PGR: variants seen among roughly 807,000 people sequenced by gnomAD.
The protein encoded by PGR is nuclear receptor subfamily 3 group C member 3.
A neutral mutation model predicts 76.1 loss-of-function variants in PGR; 25 were observed. The observed-to-expected ratio is 0.33, with a 90% CI of 0.24 to 0.46. The LOEUF (loss-of-function observed/expected upper bound fraction) is 0.46, where lower values mean the gene tolerates loss of function less well. PGR is among the 20% of genes least tolerant of loss of function. The pLI, the probability that PGR is intolerant of heterozygous loss-of-function variation, is 1.00. For synonymous variants in PGR, 579 were observed against 535.0 expected (o/e 1.08, Z -1.14); for missense variants, 1,172 against 1,225.3 (o/e 0.96, Z 0.65).
intron 1 of PGR, 31 bp from the exon 2 acceptor site, chr11:101,126,189 T>C: frequency 6.2e-7 from 1 of 1,609,144 alleles, no homozygotes. Context: ...ACTCCATTTA[T>C]TTTTAAGTGC....
At position 101,089,591 on chromosome 11, in the gene PGR, C is replaced by T. The variant is rs183245829; in HGVS notation, c.1906+2169G>A. Reference sequence around the variant, plus strand: ...TGTCCATTTTCTTTGCTGCTATATGCGCAGAACTTAGAATAGTATCTGGTA... The same window carrying T: ...TGTCCATTTTCTTTGCTGCTATATGTGCAGAACTTAGAATAGTATCTGGTA... On this transcript the variant is annotated intron_variant, in intron 3 of 7. Coordinates refer to ENST00000325455, the MANE Select transcript of PGR (RefSeq NM_000926.4). 1.8e-3 allele frequency among the ~76,000 whole-genome samples: 272 copies of T among 151,958 alleles called. 3 individuals carry two copies. The highest frequency in any genetic ancestry group is 0.015 in the Admixed American group (222 of 15,258).
rs572578980 is a variant in PGR, at chr11:101,037,273, G to A, written c.*1843C>T. 1 of 212,520 alleles carries A rather than the reference G, an allele frequency of 4.7e-6. No homozygotes were observed. The highest frequency in any genetic ancestry group is 9.5e-6 in the Non-Finnish European group (1 of 104,994). 13.2% of individuals were successfully genotyped at this position (212,520 alleles called of 1,614,324 possible). A position where few individuals can be genotyped will look rare whatever the true frequency, so the allele number is the denominator to read the frequency against. ...TTTGCACCTACCTAGTATACGTTGA[G>A]TGTACAAATATTAAAATGCCTATTT... On this transcript the variant is annotated 3_prime_UTR_variant, in exon 8 of 8. Coordinates refer to ENST00000325455, the MANE Select transcript of PGR (RefSeq NM_000926.4).
At chr11:101,047,301 T>G (rs1453015991) in intron 6 of PGR, among the ~76,000 whole-genome samples, 1 of 152,172 alleles carries the variant, frequency 6.6e-6, no homozygotes, top group African/African-American at 2.4e-5. Flanking sequence ...TAAGCCAGTT[T>G]GGAAGATCTA....
intron 2 of PGR, among the ~76,000 whole-genome samples, chr11:101,123,691 T>C (rs1862749796): frequency 6.6e-6 from 1 of 152,240 alleles, no homozygotes; most frequent in African/African-American, 2.4e-5. Context: ...ATCTTCCATG[T>C]AGACTTCTTC....
chr11:101,073,461 C>A (rs2135427754), intron 3 of PGR, among the ~76,000 whole-genome samples: 1 of 150,774 alleles, frequency 6.6e-6, no homozygotes, highest in South Asian at 2.1e-4. Flanking sequence ...TAGCAGAGGA[C>A]AAGAAATAAC....
rs1055712451 is a variant in PGR, at chr11:101,115,063, CT to C, written c.1789+10943del. On this transcript the variant is annotated intron_variant, in intron 2 of 7. Transcript: ENST00000325455. ...GGGGTGGGAATAAGGGGTCACTGATCTCTTTCAAAACCTCATGAAAAGAATT... is the reference window on the plus strand; with the variant it reads ...GGGGTGGGAATAAGGGGTCACTGATCCTTTCAAAACCTCATGAAAAGAATT... 2.9e-4 allele frequency among the ~76,000 whole-genome samples: 44 copies of C among 152,182 alleles called. 1 individual carries two copies. Among genetic ancestry groups the C allele is most frequent in the Admixed American group, 2.3e-3 (35 of 15,286 alleles).
At chr11:101,063,367 G>C (rs982501873) in intron 3 of PGR, 2 of 152,376 alleles carry the variant, frequency 1.3e-5, no homozygotes, top group South Asian at 4.1e-4. Flanking sequence ...TCTAAATTAA[G>C]GAAAGAGAAA....
chr11:101,067,375 C>T (rs1860757698), intron 3 of PGR, among the ~76,000 whole-genome samples: 1 of 151,880 alleles, frequency 6.6e-6, no homozygotes, highest in Non-Finnish European at 1.5e-5. Flanking sequence ...ATATAGATGA[C>T]AAAATACAAC....
At position 101,030,217 on chromosome 11, in the gene PGR, A is replaced by G. The variant is rs1245976962; in HGVS notation, c.*8899T>C. ...GAAAGATTCCCTGCATCTCTTGCCA[A>G]GTATTAACACTAGTTTTACTAATAA... On this transcript the variant is annotated 3_prime_UTR_variant, in exon 8 of 8. Transcript: ENST00000325455. The G allele has an allele frequency of 9.0e-6, 2 of 222,738 alleles. No individual in the cohort carries two copies. The highest frequency in any genetic ancestry group is 1.8e-5 in the Non-Finnish European group (2 of 111,652). The allele number at this position is 222,738 out of a possible 1,614,324, so 13.8% of individuals were successfully genotyped here. A position where few individuals can be genotyped will look rare whatever the true frequency, so the allele number is the denominator to read the frequency against.
intron 1 of PGR, among the ~76,000 whole-genome samples, 171 bp downstream of exon 1, chr11:101,127,263 G>A (rs1476872427): frequency 6.6e-6 from 1 of 152,180 alleles, no homozygotes; most frequent in East Asian, 1.9e-4. Flanking sequence ...GGAGAGGAGG[G>A]AAGAAGAAGG....
chr11:101,107,908 A>G (rs1862223748), intron 2 of PGR, among the ~76,000 whole-genome samples: 1 of 150,966 alleles, frequency 6.6e-6, no homozygotes, highest in Non-Finnish European at 1.5e-5. Context: ...CTATATGGAT[A>G]ATTAATTAAC....
At chr11:101,108,537 A>C (rs1862247687) in intron 2 of PGR, among the ~76,000 whole-genome samples, 1 of 152,238 alleles carries the variant, frequency 6.6e-6, no homozygotes, top group African/African-American at 2.4e-5. Context: ...AAGAGTTTTA[A>C]GTCTTTTCAA....
chr11:101,057,379 C>T (rs981641704), intron 4 of PGR, among the ~76,000 whole-genome samples: 3 of 152,000 alleles, frequency 2.0e-5, no homozygotes, highest in Non-Finnish European at 2.9e-5. Context: ...ATCTTAGAGT[C>T]GTGTGAAGAG....
Position 101,126,084 on chromosome 11 carries a change from C to T in PGR, c.1712G>A (p.Gly571Glu). 2 of 1,614,028 alleles carry T rather than the reference C, an allele frequency of 1.2e-6. No individual in the cohort carries two copies. The highest frequency in any genetic ancestry group is 1.7e-6 in the Non-Finnish European group (2 of 1,179,932). ...SLPQKICLIC[G>E]DEASGCHYGV... is the part of the protein sequence containing the mutation. ...ATAATGACAGCCTGATGCTTCATCCCCACAGATTAAACAAATCTTCTGAGG... is the reference window on the plus strand; with the variant it reads ...ATAATGACAGCCTGATGCTTCATCCTCACAGATTAAACAAATCTTCTGAGG... The change falls in exon 2 of 8, where the codon GGG (glycine) becomes GAG (glutamate). Residue 571 changes from glycine (G) to glutamate (E), a missense_variant. Around this residue, in one of 4 missense-constraint regions of PGR, gnomAD observed 40 missense variants for 82.7 expected, o/e 0.48. Coordinates refer to ENST00000325455, the MANE Select transcript of PGR (RefSeq NM_000926.4).
At chr11:101,052,790 G>T (rs73571730) in intron 4 of PGR, among the ~76,000 whole-genome samples, 2,256 of 152,214 alleles carry the variant, frequency 0.015, 62 homozygotes, top group African/African-American at 0.052. Flanking sequence ...AAAAATAAAA[G>T]ACATTTGTCA....
intron 2 of PGR, among the ~76,000 whole-genome samples, chr11:101,104,052 C>T (rs2135475527): frequency 6.6e-6 from 1 of 152,248 alleles, no homozygotes; most frequent in South Asian, 2.1e-4. Context: ...AAATGCTTAA[C>T]AGTAATTATG....
chr11:101,084,582 T>TACA (rs1861427071), intron 3 of PGR, among the ~76,000 whole-genome samples: 1 of 151,180 alleles, frequency 6.6e-6, no homozygotes, highest in Non-Finnish European at 1.5e-5. Context: ...TGCTTGAACC[T>TACA]GGGAGGTGGA....
Position 101,127,537 on chromosome 11 carries a change from A to G in PGR, c.1534T>C (p.Tyr512His), listed in dbSNP as rs755391672. 255 of 1,450,432 alleles carry G rather than the reference A, an allele frequency of 1.8e-4. 1 individual carries two copies. Among genetic ancestry groups the G allele is most frequent in the Non-Finnish European group, 9.4e-5 (104 of 1,101,344 alleles). The allele number at this position is 1,450,432 out of a possible 1,614,324, so 89.8% of individuals were successfully genotyped here. ...AGCCCGTTGAGGCCGAGTGCAGGGT[A>G]GAGCGCGGGGGCCGCCCCGGCGGCG... ...AAAAGAAPAL[Y>H]PALGLNGLPQ... is the part of the protein sequence containing the mutation. The change falls in exon 1 of 8, where the codon TAC becomes CAC. Residue 512 changes from tyrosine to histidine, a missense_variant. By Grantham distance (83) the Tyr-to-His change is moderately conservative. Around this residue, in one of 4 missense-constraint regions of PGR, gnomAD observed 893 missense variants for 785.9 expected, o/e 1.14. Coordinates refer to ENST00000325455, the MANE Select transcript of PGR (RefSeq NM_000926.4).
intron 2 of PGR, among the ~76,000 whole-genome samples, chr11:101,105,842 A>C (rs1436446395): frequency 6.6e-6 from 1 of 152,198 alleles, no homozygotes; most frequent in Non-Finnish European, 1.5e-5. Flanking sequence ...ACAAGGCTGC[A>C]GTAACCAAAA....
Sources: allele counts gnomAD v4.1 joint callset (sites outside exome capture counted in the v4.1 genomes callset), GRCh38; gene constraint gnomAD v4.1.1; regional missense constraint gnomAD v4.1.1; transcripts MANE v1.5; gene names NCBI Gene and HGNC (gene_info 2026-07-23, HGNC 2026-07-21).